DNER: variants seen among roughly 807,000 people sequenced by gnomAD.
The protein encoded by DNER is delta/notch like EGF repeat containing.
A neutral mutation model predicts 78.2 loss-of-function variants in DNER; 33 were observed. The ratio of observed to expected loss-of-function variants is 0.42; its 90% confidence interval spans 0.32 to 0.56. The LOEUF is 0.56. Ranked by LOEUF, DNER falls within the 20% of genes least tolerant of loss-of-function variation. The probability of loss-of-function intolerance (pLI) is 0.11; values close to 1 mark genes in which losing one functional copy is unlikely to be tolerated. For missense variants in DNER, 918 were observed against 975.3 expected, an observed-to-expected ratio of 0.94 and a Z score of 0.78; for synonymous variants, 417 against 384.8, an observed-to-expected ratio of 1.08 and a Z score of -0.98.
intron 1 of DNER, among the ~76,000 whole-genome samples, chr2:229,651,686 G>A (rs1698821860): frequency 6.6e-6 from 1 of 152,210 alleles, no homozygotes; most frequent in Non-Finnish European, 1.5e-5. Flanking sequence ...AATACAGATG[G>A]AGGATTCTTT....
chr2:229,360,431 G>C (rs1692185794), intron 12 of DNER, among the ~76,000 whole-genome samples: 1 of 151,958 alleles, frequency 6.6e-6, no homozygotes. Context: ...TTATTTTTGA[G>C]ACAGAGTCTC....
chr2:229,585,928 G>A lies in DNER; in HGVS notation c.777C>T (p.Thr259=). ...QCSLIDGRSV[T]PLQASGGLVL... is the part of the protein sequence containing the mutation. ...CCAGTCCCCCTGAAGCCTGAAGGGG[G>A]GTCACACTTCGTCCATCTATGAGGG... The change falls in exon 4 of 13, where the codon ACC becomes ACT. Residue 259 remains threonine (T), a synonymous_variant. Transcript: ENST00000341772. The A allele has an allele frequency of 6.2e-7, 1 of 1,614,022 alleles. No homozygotes were observed.
intron 5 of DNER, among the ~76,000 whole-genome samples, chr2:229,515,096 T>C (rs1447162236): frequency 6.6e-6 from 1 of 152,230 alleles, no homozygotes. Context: ...CTCACTTCTT[T>C]GTGGTAAATG....
chr2:229,519,683 G>A (rs1416386280), intron 5 of DNER, among the ~76,000 whole-genome samples: 2 of 152,134 alleles, frequency 1.3e-5, no homozygotes, highest in Non-Finnish European at 2.9e-5. Flanking sequence ...TCATTACTGT[G>A]ATGGCCTCGG....
chr2:229,426,416 G>A lies in DNER; in HGVS notation c.1487-8186C>T, dbSNP rs181829094. On this transcript the variant is annotated intron_variant, in intron 8 of 12. Coordinates refer to ENST00000341772, the MANE Select transcript of DNER (RefSeq NM_139072.4). Reference sequence around the variant, plus strand: ...AGATTGCGCCACTGCACTCCAGCCTGGGTGACAGAGCGAGACTCCATCTCA... The same window carrying A: ...AGATTGCGCCACTGCACTCCAGCCTAGGTGACAGAGCGAGACTCCATCTCA... 7.9e-3 allele frequency among the ~76,000 whole-genome samples: 1,102 copies of A among 139,864 alleles called. 18 individuals carry two copies. Among genetic ancestry groups the A allele is most frequent in the African/African-American group, 0.029 (1,056 of 36,684 alleles). 91.8% of individuals were successfully genotyped at this position (139,864 alleles called of 152,430 possible). A position where few individuals can be genotyped will look rare whatever the true frequency, so the allele number is the denominator to read the frequency against.
intron 1 of DNER, among the ~76,000 whole-genome samples, chr2:229,647,296 C>T (rs1350617093): frequency 6.6e-6 from 1 of 152,300 alleles, no homozygotes; most frequent in African/African-American, 2.4e-5. Flanking sequence ...AGGAAAAGAA[C>T]AAGTCAGGCC....
intron 8 of DNER, among the ~76,000 whole-genome samples, chr2:229,419,295 CAT>C (rs1359055255): frequency 1.3e-5 from 2 of 152,212 alleles, no homozygotes; most frequent in Non-Finnish European, 2.9e-5. Context: ...CTTTTGAAAA[CAT>C]GTGTTACTGC....
chr2:229,706,396 C>CAAA lies in DNER; in HGVS notation c.276+7749_276+7751dup, dbSNP rs35958661. 4.0e-3 allele frequency among the ~76,000 whole-genome samples: 476 copies of CAAA among 119,864 alleles called. 4 individuals carry two copies. The highest frequency in any genetic ancestry group is 0.014 in the African/African-American group (441 of 31,194). The allele number at this position is 119,864 out of a possible 152,430, so 78.6% of individuals were successfully genotyped here. A position where few individuals can be genotyped will look rare whatever the true frequency, so the allele number is the denominator to read the frequency against. ...CAAAACCTCATCTCTAGTAAAAATA[C>CAAA]AAAAAAAAAAAAAAAAATTAGCCGA... On this transcript the variant is annotated intron_variant, in intron 1 of 12. Transcript: ENST00000341772.
chr2:229,705,164 T>A (rs1699807016), intron 1 of DNER, among the ~76,000 whole-genome samples: 1 of 152,190 alleles, frequency 6.6e-6, no homozygotes, highest in South Asian at 2.1e-4. Context: ...ACTAGATACT[T>A]TTCTTCTCTT....
intron 10 of DNER, among the ~76,000 whole-genome samples, chr2:229,401,176 C>G (rs1022330781): frequency 4.6e-5 from 7 of 151,968 alleles, no homozygotes; most frequent in Admixed American, 4.6e-4. Flanking sequence ...GTGATAACAC[C>G]AAATGCTGGC....
chr2:229,403,359 A>C (rs1374523994), intron 10 of DNER, among the ~76,000 whole-genome samples: 1 of 152,226 alleles, frequency 6.6e-6, no homozygotes, highest in Non-Finnish European at 1.5e-5. Context: ...TTCTATGATC[A>C]AATAGATTTG....
chr2:229,668,544 A>ACT (rs1699147373), intron 1 of DNER, among the ~76,000 whole-genome samples: 2 of 4,884 alleles, frequency 4.1e-4, no homozygotes, highest in Admixed American at 3.1e-3. Flanking sequence ...GTGTATATAT[A>ACT]TATATATATA....
chr2:229,627,474 G>A (rs932297455), intron 1 of DNER, among the ~76,000 whole-genome samples: 1 of 151,906 alleles, frequency 6.6e-6, no homozygotes, highest in Non-Finnish European at 1.5e-5. Flanking sequence ...TAGACTTCTG[G>A]TTTAGTGCCA....
chr2:229,647,766 G>A (rs1698744341), intron 1 of DNER, among the ~76,000 whole-genome samples: 1 of 152,180 alleles, frequency 6.6e-6, no homozygotes, highest in Admixed American at 6.5e-5. Flanking sequence ...GATATGTGAT[G>A]ACATGCAGAG....
chr2:229,533,377 G>T (rs578183671), intron 5 of DNER, among the ~76,000 whole-genome samples: 19 of 152,212 alleles, frequency 1.2e-4, no homozygotes, highest in Admixed American at 1.2e-3. Flanking sequence ...AAAAACAATA[G>T]TAAGAGAAAC....
At position 229,361,561 on chromosome 2, in the gene DNER, A is replaced by C. The variant is rs114433766; in HGVS notation, c.2103-2910T>G. ...CAGGACAATATGGCCTGCAAAGTCT[A>C]AAACATTTTACAGGTCCCTGATGAA... On this transcript the variant is annotated intron_variant, in intron 12 of 12. Transcript: ENST00000341772. Among the ~76,000 whole-genome samples the C allele has an allele frequency of 2.4e-3, 372 of 152,206 alleles. 1 individual carries two copies. The highest frequency in any genetic ancestry group is 8.6e-3 in the African/African-American group (357 of 41,514).
At chr2:229,509,869 T>C (rs1307321760) in intron 6 of DNER, among the ~76,000 whole-genome samples, 2 of 151,422 alleles carry the variant, frequency 1.3e-5, no homozygotes, top group Non-Finnish European at 2.9e-5. Flanking sequence ...AATCAAAGAG[T>C]CACACACACA....
chr2:229,428,294 G>A (rs534446584), intron 8 of DNER, among the ~76,000 whole-genome samples: 2 of 152,152 alleles, frequency 1.3e-5, no homozygotes, highest in African/African-American at 2.4e-5. Context: ...GGGAAATCAC[G>A]GCTGGGATGA....
intron 11 of DNER, among the ~76,000 whole-genome samples, chr2:229,374,716 C>T (rs1692560194): frequency 6.6e-6 from 1 of 152,070 alleles, no homozygotes; most frequent in Non-Finnish European, 1.5e-5. Flanking sequence ...TAAAGCCACA[C>T]ACTTCAATCA....
Sources: gnomAD v4.1 joint callset for allele counts (sites outside exome capture counted in the v4.1 genomes callset) on GRCh38, gnomAD v4.1.1 for gene constraint, MANE v1.5 for transcripts, NCBI Gene and HGNC (gene_info 2026-07-23, HGNC 2026-07-21) for gene names.